Variants in PLEKHA7 observed in about 807,000 individuals in gnomAD.
The protein encoded by PLEKHA7 is pleckstrin homology domain containing A7, also known as pleckstrin homology domain-containing family A member 7.
A neutral mutation model predicts 170.0 loss-of-function variants in PLEKHA7; 104 were observed. That is an observed-to-expected ratio of 0.61 (90% CI 0.52 to 0.72). The LOEUF (loss-of-function observed/expected upper bound fraction) is 0.72, where lower values mean the gene tolerates loss of function less well. Ranked by LOEUF, PLEKHA7 falls within the 30% of genes least tolerant of loss-of-function variation. PLEKHA7 has a pLI of 0.00. For synonymous variants in PLEKHA7, 648 were observed against 660.8 expected, an observed-to-expected ratio of 0.98 and a Z score of 0.30; for missense variants, 1,615 against 1,671.7, an observed-to-expected ratio of 0.97 and a Z score of 0.59.
At chr11:16,836,200 C>A (rs1193978930) in intron 9 of PLEKHA7, among the ~76,000 whole-genome samples, 1 of 152,188 alleles carries the variant, frequency 6.6e-6, no homozygotes, top group Non-Finnish European at 1.5e-5. Flanking sequence ...TGCCACCAGG[C>A]CCTAGATGTG....
At chr11:16,911,003 G>A (rs1858208867) in intron 3 of PLEKHA7, among the ~76,000 whole-genome samples, 1 of 152,182 alleles carries the variant, frequency 6.6e-6, no homozygotes, top group African/African-American at 2.4e-5. Context: ...TTAACTGAGT[G>A]ATTCTGAAAC....
At chr11:17,006,437 G>C (rs988056088) in intron 3 of PLEKHA7, among the ~76,000 whole-genome samples, 3 of 150,882 alleles carry the variant, frequency 2.0e-5, no homozygotes, top group Non-Finnish European at 3.0e-5. Flanking sequence ...GGCCAGCTTG[G>C]CTAACATGGT....
intron 3 of PLEKHA7, among the ~76,000 whole-genome samples, chr11:16,969,622 C>G (rs1862588594): frequency 6.6e-6 from 1 of 152,164 alleles, no homozygotes; most frequent in African/African-American, 2.4e-5. Context: ...CCACGCTCTA[C>G]CCCTAGGACA....
Position 16,803,048 on chromosome 11 carries a change from T to A in PLEKHA7, c.2081A>T (p.Lys694Ile), listed in dbSNP as rs766069968. Residue 694 changes from lysine (K) to isoleucine (I), a missense_variant, in exon 15 of 27, where the codon AAA becomes ATA. Transcript: ENST00000531066. ...GTCTTGTTCACAGAAGATGCTCAGT[T>A]TGACCTAAAAGCAAGAACAGGTGGA... ...VKIAESDTDV[K>I]LSIFCEQDRV... is the part of the protein sequence containing the mutation. 1.9e-6 allele frequency: 3 copies of A among 1,614,108 alleles called. No homozygotes were observed. The South Asian group carries it at 3.3e-5, about 18-fold the overall frequency.
chr11:16,864,812 G>A (rs1262049855), intron 4 of PLEKHA7, among the ~76,000 whole-genome samples: 1 of 152,156 alleles, frequency 6.6e-6, no homozygotes, highest in African/African-American at 2.4e-5. Context: ...CCCAGTCTCA[G>A]GTATGTCTTT....
At chr11:16,807,349 T>C (rs1019075079) in intron 13 of PLEKHA7, 1 of 211,610 alleles carries the variant, frequency 4.7e-6, no homozygotes, top group African/African-American at 2.4e-5. Flanking sequence ...TGCTATGCAA[T>C]TCAAACAACC....
At chr11:16,808,458 T>A (rs1849140049) in intron 13 of PLEKHA7, among the ~76,000 whole-genome samples, 1 of 152,150 alleles carries the variant, frequency 6.6e-6, no homozygotes, top group Non-Finnish European at 1.5e-5. Flanking sequence ...TTTATCAAGC[T>A]CCCAGGTGAT....
intron 17 of PLEKHA7, among the ~76,000 whole-genome samples, chr11:16,799,407 GA>G (rs1348327039): frequency 6.6e-6 from 1 of 152,192 alleles, no homozygotes; most frequent in Non-Finnish European, 1.5e-5. Flanking sequence ...AGGGTGATGG[GA>G]GGGGCAGAAA....
At chr11:16,788,941 G>T in intron 23 of PLEKHA7, 155 bp downstream of exon 23, 2 of 923,522 alleles carry the variant, frequency 2.2e-6, no homozygotes, top group Non-Finnish European at 3.2e-6. Context: ...GTCCAGCCTG[G>T]GTCGTGGACA....
intron 15 of PLEKHA7, 39 bp downstream of exon 15, chr11:16,802,933 C>G (rs1848697852): frequency 6.7e-7 from 1 of 1,498,746 alleles, no homozygotes; most frequent in African/African-American, 1.4e-5. Context: ...ACAAAATGTC[C>G]CTCTGCCCAT....
intron 26 of PLEKHA7, among the ~76,000 whole-genome samples, chr11:16,779,733 A>T (rs1848882427): frequency 1.3e-5 from 2 of 152,174 alleles, no homozygotes; most frequent in Non-Finnish European, 1.5e-5. Flanking sequence ...AGCACCCAGG[A>T]TAGACACCTG....
At chr11:16,919,416 C>G (rs1036389400) in intron 3 of PLEKHA7, among the ~76,000 whole-genome samples, 10 of 152,118 alleles carry the variant, frequency 6.6e-5, no homozygotes, top group African/African-American at 2.4e-4. Context: ...GTGGCTGGTG[C>G]CTGTAATCCC....
chr11:16,885,504 AT>A (rs1225185579), intron 3 of PLEKHA7, among the ~76,000 whole-genome samples: 1 of 144,530 alleles, frequency 6.9e-6, no homozygotes, highest in Non-Finnish European at 1.5e-5. Context: ...ACTAAAAAAA[AT>A]ATATATATAT....
chr11:16,978,131 T>C (rs1235512079), intron 3 of PLEKHA7, among the ~76,000 whole-genome samples: 1 of 152,236 alleles, frequency 6.6e-6, no homozygotes, highest in African/African-American at 2.4e-5. Flanking sequence ...GGGAGGTCTC[T>C]GGAAAGAGGT....
intron 9 of PLEKHA7, among the ~76,000 whole-genome samples, chr11:16,829,355 T>TACTTATACTGAAAGGGGTCCTGCC (rs1850922729): frequency 6.6e-6 from 1 of 152,172 alleles, no homozygotes; most frequent in Admixed American, 6.5e-5. Flanking sequence ...TGGTTTCTGC[T>TACTTATACTGAAAGGGGTCCTGCC]ACTTATACTG....
At chr11:16,890,848 A>ATAT (rs1565078171) in intron 3 of PLEKHA7, among the ~76,000 whole-genome samples, 5 of 151,660 alleles carry the variant, frequency 3.3e-5, no homozygotes, top group Admixed American at 2.6e-4. Context: ...AACATGAAAA[A>ATAT]ATATATATAT....
intron 11 of PLEKHA7, 59 bp from the exon 12 acceptor site, chr11:16,816,323 G>T: frequency 7.7e-7 from 1 of 1,301,692 alleles, no homozygotes. Context: ...CTCACTCCCA[G>T]GGAAGCCGCC....
At chr11:16,986,531 C>G (rs541434612) in intron 3 of PLEKHA7, among the ~76,000 whole-genome samples, 22 of 152,208 alleles carry the variant, frequency 1.4e-4, no homozygotes, top group African/African-American at 5.3e-4. Context: ...AAGTGGGGAC[C>G]CTACTGACTG....
chr11:16,981,868 C>T (rs1206735940), intron 3 of PLEKHA7, among the ~76,000 whole-genome samples: 2 of 152,198 alleles, frequency 1.3e-5, no homozygotes, highest in Admixed American at 6.5e-5. Flanking sequence ...AACAGGCTGT[C>T]GTCATGGAGC....
Sources: gnomAD v4.1 joint callset for allele counts (sites outside exome capture counted in the v4.1 genomes callset) on GRCh38, gnomAD v4.1.1 for gene constraint, MANE v1.5 for transcripts, NCBI Gene and HGNC (gene_info 2026-07-23, HGNC 2026-07-21) for gene names.